The following KPNA5 variants were observed in gnomAD, a reference collection of about 807,000 sequenced individuals.
KPNA5 encodes karyopherin subunit alpha 5.
In KPNA5, 46 loss-of-function variants were observed where a neutral mutation model predicts 71.3. That is an observed-to-expected ratio of 0.65 (90% CI 0.51 to 0.83). KPNA5 has a LOEUF of 0.83. Among genes scored for constraint, KPNA5 ranks in the 40% least tolerant of loss-of-function variants. The pLI, the probability that KPNA5 is intolerant of heterozygous loss-of-function variation, is 0.00. For missense variants in KPNA5, 547 were observed against 628.3 expected (o/e 0.87, Z 1.38); for synonymous variants, 207 against 201.4 (o/e 1.03, Z -0.24).
intron 6 of KPNA5, among the ~76,000 whole-genome samples, chr6:116,702,736 G>A (rs1277662314): frequency 6.6e-6 from 1 of 152,176 alleles, no homozygotes; most frequent in Non-Finnish European, 1.5e-5. Context: ...TGGCAGAGCC[G>A]GGTTTTAAAG....
chr6:116,738,320 A>G lies in KPNA5; in HGVS notation c.*5997A>G, dbSNP rs1461186664. On this transcript the variant is annotated 3_prime_UTR_variant, in exon 14 of 14. Coordinates refer to ENST00000368564, the MANE Select transcript of KPNA5 (RefSeq NM_001366306.2). ...AACCAGGAAGAAGTTGAATCTCTGA[A>G]TAGACCAATAACAGGATCTGAAATT... The G allele has an allele frequency of 2.0e-5, 3 of 152,238 alleles. No homozygotes were observed. Among genetic ancestry groups the G allele is most frequent in the African/African-American group, 7.2e-5 (3 of 41,456 alleles). The allele number at this position is 152,238 out of a possible 1,614,324, so 9.4% of individuals were successfully genotyped here. A position where few individuals can be genotyped will look rare whatever the true frequency, so the allele number is the denominator to read the frequency against.
intron 8 of KPNA5, among the ~76,000 whole-genome samples, chr6:116,718,164 A>C (rs1778961987): frequency 6.6e-6 from 1 of 151,316 alleles, no homozygotes; most frequent in African/African-American, 2.4e-5. Flanking sequence ...AACTGCCCTC[A>C]CCCCATGAGT....
intron 12 of KPNA5, among the ~76,000 whole-genome samples, chr6:116,727,295 G>T (rs1317845969): frequency 6.6e-6 from 1 of 151,796 alleles, no homozygotes; most frequent in East Asian, 1.9e-4. Context: ...AATAGTTATG[G>T]CAGTGTAAGT....
intron 7 of KPNA5, among the ~76,000 whole-genome samples, chr6:116,709,514 A>G (rs1778571683): frequency 1.3e-5 from 2 of 151,786 alleles, no homozygotes; most frequent in Non-Finnish European, 2.9e-5. Context: ...ACATGGTAAG[A>G]CTCCATCTCT....
chr6:116,712,510 A>G (rs1344828324), intron 7 of KPNA5, among the ~76,000 whole-genome samples: 1 of 152,158 alleles, frequency 6.6e-6, no homozygotes, highest in African/African-American at 2.4e-5. Context: ...TCGTAGACTT[A>G]TGGGTTTTGT....
chr6:116,713,377 T>A (rs115020479), intron 7 of KPNA5, among the ~76,000 whole-genome samples: 232 of 152,340 alleles, frequency 1.5e-3, no homozygotes, highest in African/African-American at 4.0e-3. Flanking sequence ...TTTAAATATG[T>A]CATCCCATTG....
intron 5 of KPNA5, among the ~76,000 whole-genome samples, chr6:116,700,481 C>G (rs1011432785): frequency 1.3e-5 from 2 of 151,952 alleles, no homozygotes; most frequent in African/African-American, 4.8e-5. Context: ...AACAAACAAA[C>G]AAACACACAC....
intron 5 of KPNA5, among the ~76,000 whole-genome samples, chr6:116,700,508 C>T (rs1039877103): frequency 4.1e-4 from 63 of 152,060 alleles, no homozygotes; most frequent in Admixed American, 1.3e-4. Flanking sequence ...AGAAGTTGAG[C>T]ATTTATTAAT....
intron 13 of KPNA5, among the ~76,000 whole-genome samples, chr6:116,730,912 T>C (rs778458280): frequency 6.6e-6 from 1 of 152,044 alleles, no homozygotes; most frequent in Non-Finnish European, 1.5e-5. Flanking sequence ...TATTTTGATA[T>C]GACTTTTTCC....
chr6:116,706,038 A>C (rs895341259), intron 7 of KPNA5, among the ~76,000 whole-genome samples: 1 of 152,262 alleles, frequency 6.6e-6, no homozygotes, highest in Non-Finnish European at 1.5e-5. Flanking sequence ...TTAATGGTCC[A>C]TAGTAATTGA....
At chr6:116,726,023 A>G (rs1258749932) in intron 11 of KPNA5, 147 bp downstream of exon 11, 12 of 845,028 alleles carry the variant, frequency 1.4e-5, no homozygotes, top group Non-Finnish European at 1.9e-5. Flanking sequence ...CCTCTAAAAT[A>G]ATAACATTTA....
rs567447216 is a variant in KPNA5, at chr6:116,706,665, G to A, written c.656+1505G>A. 4.5e-4 allele frequency among the ~76,000 whole-genome samples: 68 copies of A among 151,894 alleles called. 1 individual carries two copies. The highest frequency in any genetic ancestry group is 8.1e-4 in the Non-Finnish European group (55 of 67,968). On this transcript the variant is annotated intron_variant, in intron 7 of 13. Transcript: ENST00000368564. ...GATCATGCCATTGCACTCCAGCCTGGGCAACAAGAGCGAAACTCCATTTCA... is the reference window on the plus strand; with the variant it reads ...GATCATGCCATTGCACTCCAGCCTGAGCAACAAGAGCGAAACTCCATTTCA...
chr6:116,726,419 G>A, intron 11 of KPNA5, 76 bp from the exon 12 acceptor site: 2 of 1,185,258 alleles, frequency 1.7e-6, no homozygotes, highest in Admixed American at 2.7e-5. Context: ...TGAAGCCATT[G>A]AGTTTCAAGA....
intron 6 of KPNA5, among the ~76,000 whole-genome samples, chr6:116,704,316 G>T (rs1328093710): frequency 1.3e-5 from 2 of 152,080 alleles, no homozygotes; most frequent in African/African-American, 4.8e-5. Context: ...GGAATTACAG[G>T]CATGAGCCAC....
In KPNA5 at chr6:116,698,694, A is replaced by T; in HGVS notation, c.341-10A>T. ...TCTTTGTAATAACTGAAGTCTTTTT[A>T]AATTTTTAGAACCTAATCCACCAAT... On this transcript the variant is annotated splice_polypyrimidine_tract_variant and intron_variant, in intron 4 of 13. Transcript: ENST00000368564. The T allele has an allele frequency of 1.3e-6, 2 of 1,520,160 alleles. No homozygotes were observed. Among genetic ancestry groups the T allele is most frequent in the Non-Finnish European group, 1.8e-6 (2 of 1,107,024 alleles). The allele number at this position is 1,520,160 out of a possible 1,614,324, so 94.2% of individuals were successfully genotyped here.
intron 8 of KPNA5, among the ~76,000 whole-genome samples, chr6:116,721,492 G>C (rs1268855676): frequency 6.6e-6 from 1 of 151,986 alleles, no homozygotes; most frequent in Non-Finnish European, 1.5e-5. Flanking sequence ...TAAGGGATAT[G>C]TTAGGTTGCT....
intron 1 of KPNA5, among the ~76,000 whole-genome samples, chr6:116,685,593 C>T (rs1441489233): frequency 6.6e-6 from 1 of 152,216 alleles, no homozygotes; most frequent in Non-Finnish European, 1.5e-5. Context: ...TAGCTCCATT[C>T]ATGTTCCCAC....
At chr6:116,700,550 G>A (rs1370531626) in intron 5 of KPNA5, among the ~76,000 whole-genome samples, 1 of 152,140 alleles carries the variant, frequency 6.6e-6, no homozygotes, top group Non-Finnish European at 1.5e-5. Context: ...AAATTCAACA[G>A]TATGGTCTTG....
At chr6:116,688,386 A>G (rs1450173836) in intron 1 of KPNA5, among the ~76,000 whole-genome samples, 1 of 152,092 alleles carries the variant, frequency 6.6e-6, no homozygotes, top group Non-Finnish European at 1.5e-5. Flanking sequence ...CTCTGAATTT[A>G]ACAGAATAAC....
Sources: gnomAD v4.1 joint callset for allele counts (sites outside exome capture counted in the v4.1 genomes callset) on GRCh38, gnomAD v4.1.1 for gene constraint, MANE v1.5 for transcripts, NCBI Gene and HGNC (gene_info 2026-07-23, HGNC 2026-07-21) for gene names.